The following RCAN3 variants were observed in gnomAD, a reference collection of about 807,000 sequenced individuals.
RCAN3 encodes the protein calcipressin-3.
A neutral mutation model predicts 21.9 loss-of-function variants in RCAN3; 19 were observed. That is an observed-to-expected ratio of 0.87 (90% CI 0.61 to 1.27). The LOEUF (loss-of-function observed/expected upper bound fraction) is 1.27. Among genes scored for constraint, RCAN3 ranks in the 50% most tolerant of loss-of-function variants. The probability of loss-of-function intolerance (pLI) is 0.00; values close to 1 mark genes in which losing one functional copy is unlikely to be tolerated. For synonymous variants in RCAN3, 114 were observed against 112.3 expected (o/e 1.01, Z -0.09); for missense variants, 240 against 300.1 (o/e 0.80, Z 1.48).
At chr1:24,521,673 C>T (rs991721638) in intron 2 of RCAN3, among the ~76,000 whole-genome samples, 1 of 152,064 alleles carries the variant, frequency 6.6e-6, no homozygotes, top group African/African-American at 2.4e-5. Context: ...CATGATGAAA[C>T]CCCACCTCTA....
chr1:24,509,596 C>T (rs993293985), intron 1 of RCAN3, among the ~76,000 whole-genome samples: 9 of 152,276 alleles, frequency 5.9e-5, no homozygotes, highest in East Asian at 1.9e-4. Context: ...CTTTAGGCTC[C>T]GCTTCTAATT....
chr1:24,509,013 T>G (rs1217827928), intron 1 of RCAN3, among the ~76,000 whole-genome samples: 4 of 151,922 alleles, frequency 2.6e-5, no homozygotes, highest in African/African-American at 9.7e-5. Flanking sequence ...ATACAAAAAT[T>G]AACCGGACAT....
intron 2 of RCAN3, among the ~76,000 whole-genome samples, chr1:24,518,665 T>G (rs1351850513): frequency 6.6e-6 from 1 of 152,090 alleles, no homozygotes; most frequent in African/African-American, 2.4e-5. Context: ...TGATCATAGG[T>G]CACTGCAGCC....
At chr1:24,516,288 G>C (rs943019642) in intron 2 of RCAN3, among the ~76,000 whole-genome samples, 1 of 152,088 alleles carries the variant, frequency 6.6e-6, no homozygotes, top group Non-Finnish European at 1.5e-5. Flanking sequence ...AATATAGCGA[G>C]ACCCCATCTC....
At chr1:24,510,244 G>A (rs72884409) in intron 1 of RCAN3, among the ~76,000 whole-genome samples, 3,068 of 152,228 alleles carry the variant, frequency 0.02, 111 homozygotes, top group African/African-American at 0.067. Flanking sequence ...TATGTTAGCC[G>A]CTAACAAAAG....
At chr1:24,517,939 G>A (rs1648473936) in intron 2 of RCAN3, among the ~76,000 whole-genome samples, 1 of 152,154 alleles carries the variant, frequency 6.6e-6, no homozygotes, top group Non-Finnish European at 1.5e-5. Context: ...TGTTTATTCA[G>A]GTTATCTATG....
At chr1:24,520,693 G>A in intron 2 of RCAN3, among the ~76,000 whole-genome samples, 1 of 126,990 alleles carries the variant, frequency 7.9e-6, no homozygotes, top group East Asian at 2.3e-4. Context: ...GGGGTGGGGG[G>A]AGGGGGAAGA....
chr1:24,506,689 C>CAAA (rs200489448), intron 1 of RCAN3, among the ~76,000 whole-genome samples: 10,499 of 108,256 alleles, frequency 0.097, 498 homozygotes, highest in East Asian at 0.3. Flanking sequence ...GAAGTTATAT[C>CAAA]AAAAAAAAAA....
intron 1 of RCAN3, among the ~76,000 whole-genome samples, chr1:24,509,255 G>A (rs1647699558): frequency 1.3e-5 from 2 of 152,206 alleles, no homozygotes; most frequent in Non-Finnish European, 1.5e-5. Flanking sequence ...TCAGGGTGGT[G>A]ATGCTGTAGT....
chr1:24,517,771 T>A (rs1041553781), intron 2 of RCAN3, among the ~76,000 whole-genome samples: 20 of 152,104 alleles, frequency 1.3e-4, no homozygotes, highest in African/African-American at 4.8e-4. Flanking sequence ...GGCAAGAGGA[T>A]CGCTTGAGAC....
intron 2 of RCAN3, among the ~76,000 whole-genome samples, chr1:24,523,741 A>G (rs1649024164): frequency 6.6e-6 from 1 of 151,908 alleles, no homozygotes; most frequent in African/African-American, 2.4e-5. Context: ...TCCTGGGTTC[A>G]AGCAAGCCAC....
intron 1 of RCAN3, among the ~76,000 whole-genome samples, chr1:24,511,637 G>C (rs1259798353): frequency 6.6e-6 from 1 of 152,214 alleles, no homozygotes; most frequent in Admixed American, 6.5e-5. Context: ...ACTGATCACA[G>C]ATCACCATAA....
intron 4 of RCAN3, among the ~76,000 whole-genome samples, chr1:24,534,247 A>G (rs1650033070): frequency 6.6e-6 from 1 of 152,148 alleles, no homozygotes; most frequent in South Asian, 2.1e-4. Flanking sequence ...TCCTATAATC[A>G]AGGGAGTGCC....
At chr1:24,508,675 A>C (rs1647644651) in intron 1 of RCAN3, among the ~76,000 whole-genome samples, 1 of 152,220 alleles carries the variant, frequency 6.6e-6, no homozygotes, top group African/African-American at 2.4e-5. Context: ...ACTGGGTTTC[A>C]ACTACAGGCT....
chr1:24,523,246 G>A (rs1648964131), intron 2 of RCAN3, among the ~76,000 whole-genome samples: 2 of 152,036 alleles, frequency 1.3e-5, no homozygotes, highest in Admixed American at 1.3e-4. Context: ...TGTATTTTTA[G>A]TGGAGACGGG....
intron 1 of RCAN3, among the ~76,000 whole-genome samples, chr1:24,508,054 C>T (rs899320089): frequency 1.3e-5 from 2 of 151,952 alleles, no homozygotes; most frequent in Non-Finnish European, 2.9e-5. Context: ...GCCGAGATCG[C>T]GCCACTGCGC....
intron 1 of RCAN3, among the ~76,000 whole-genome samples, chr1:24,511,128 A>G (rs1265404893): frequency 2.0e-5 from 3 of 152,202 alleles, no homozygotes; most frequent in Non-Finnish European, 2.9e-5. Flanking sequence ...CCTGGCCAAC[A>G]TGGTGAAACC....
chr1:24,528,159 C>G (rs1215159429), intron 2 of RCAN3, among the ~76,000 whole-genome samples: 1 of 148,670 alleles, frequency 6.7e-6, no homozygotes, highest in Non-Finnish European at 1.5e-5. Context: ...AGTTAGGCAT[C>G]TTTAAAGAAG....
At chr1:24,509,174 A>G (rs1464989663) in intron 1 of RCAN3, among the ~76,000 whole-genome samples, 1 of 152,178 alleles carries the variant, frequency 6.6e-6, no homozygotes, top group Non-Finnish European at 1.5e-5. Flanking sequence ...TCAAAAAATA[A>G]TGCAAACGAT....
Sources: allele counts gnomAD v4.1 joint callset (sites outside exome capture counted in the v4.1 genomes callset), GRCh38; gene constraint gnomAD v4.1.1; transcripts MANE v1.5; gene names NCBI Gene and HGNC (gene_info 2026-07-23, HGNC 2026-07-21).